The following KCNAB1 variants were observed in gnomAD, a reference collection of about 807,000 sequenced individuals.
KCNAB1 encodes voltage-gated potassium channel subunit beta-1.
In KCNAB1, 35 loss-of-function variants were observed where a neutral mutation model predicts 64.6. The observed-to-expected ratio is 0.54, with a 90% CI of 0.41 to 0.72. The LOEUF (loss-of-function observed/expected upper bound fraction) is 0.72. Ranked by LOEUF, KCNAB1 falls within the 30% of genes least tolerant of loss-of-function variation. The probability of loss-of-function intolerance (pLI) is 0.00; values close to 1 mark genes in which losing one functional copy is unlikely to be tolerated. For missense variants in KCNAB1, 401 were observed against 512.9 expected (o/e 0.78, Z 2.11); for synonymous variants, 177 against 183.8 (o/e 0.96, Z 0.30).
At chr3:156,292,126 T>C in intron 1 of KCNAB1, 2 of 1,613,792 alleles carry the variant, frequency 1.2e-6, no homozygotes, top group East Asian at 2.2e-5. Context: ...GCATGAAATA[T>C]AGGTATGCAC....
At chr3:156,248,474 T>C (rs1299749066) in intron 1 of KCNAB1, among the ~76,000 whole-genome samples, 7 of 148,808 alleles carry the variant, frequency 4.7e-5, no homozygotes, top group African/African-American at 1.5e-4. Flanking sequence ...ATGAGATTTT[T>C]TTTTTTTTTT....
chr3:156,516,503 C>T, intron 11 of KCNAB1, 139 bp downstream of exon 11: 1 of 655,016 alleles, frequency 1.5e-6, no homozygotes, highest in Non-Finnish European at 2.7e-6. Flanking sequence ...TGGCAGGTTC[C>T]CCTAAGCCTT....
At chr3:156,164,429 T>A (rs1716254336) in intron 1 of KCNAB1, among the ~76,000 whole-genome samples, 1 of 152,220 alleles carries the variant, frequency 6.6e-6, no homozygotes, top group Admixed American at 6.5e-5. Flanking sequence ...TACATGCCCC[T>A]GTTTTTAATT....
At chr3:156,434,090 C>T (rs1716420478) in intron 2 of KCNAB1, among the ~76,000 whole-genome samples, 1 of 152,026 alleles carries the variant, frequency 6.6e-6, no homozygotes, top group African/African-American at 2.4e-5. Flanking sequence ...GAGAGGGAGC[C>T]ATGTGGGAGA....
intron 1 of KCNAB1, among the ~76,000 whole-genome samples, chr3:156,308,199 T>G (rs533102020): frequency 6.6e-6 from 1 of 152,320 alleles, no homozygotes; most frequent in African/African-American, 2.4e-5. Flanking sequence ...AGAAGATCAA[T>G]CCAGGCAGAG....
intron 1 of KCNAB1, among the ~76,000 whole-genome samples, chr3:156,302,950 A>G (rs532654900): frequency 6.6e-6 from 1 of 152,356 alleles, no homozygotes; most frequent in Admixed American, 6.5e-5. Context: ...GAAGCAGCGC[A>G]TTCCCAGTGC....
intron 8 of KCNAB1, among the ~76,000 whole-genome samples, chr3:156,483,219 T>C (rs906996359): frequency 6.6e-6 from 1 of 152,150 alleles, no homozygotes; most frequent in African/African-American, 2.4e-5. Flanking sequence ...GGGTCAGTAG[T>C]ATACTTGGAA....
intron 8 of KCNAB1, among the ~76,000 whole-genome samples, chr3:156,506,044 C>A (rs1252169137): frequency 1.3e-5 from 2 of 152,204 alleles, no homozygotes; most frequent in African/African-American, 4.8e-5. Flanking sequence ...AGAGGACAAA[C>A]ATCCAAACCA....
In KCNAB1 at chr3:156,295,861, A is replaced by G. The variant is rs74903688; in HGVS notation, c.276-125755A>G. 8.8e-3 allele frequency among the ~76,000 whole-genome samples: 1,340 copies of G among 152,328 alleles called. 23 individuals are homozygous for G. Among genetic ancestry groups the G allele is most frequent in the African/African-American group, 0.03 (1,233 of 41,590 alleles). ...TATTTATCATTTCTATGTATTGGGAATATTTCAAGTCCTCTCTTCTAGCTA... is the reference window on the plus strand; with the variant it reads ...TATTTATCATTTCTATGTATTGGGAGTATTTCAAGTCCTCTCTTCTAGCTA... On this transcript the variant is annotated intron_variant, in intron 1 of 13. Coordinates refer to ENST00000490337, the MANE Select transcript of KCNAB1 (RefSeq NM_172160.3).
chr3:156,211,743 CAAAGG>C (rs987239686), intron 1 of KCNAB1, among the ~76,000 whole-genome samples: 1 of 152,172 alleles, frequency 6.6e-6, no homozygotes, highest in African/African-American at 2.4e-5. Context: ...GGTGATTACT[CAAAGG>C]AAATGAATGA....
intron 1 of KCNAB1, among the ~76,000 whole-genome samples, chr3:156,403,433 AG>A (rs1212152584): frequency 1.3e-5 from 2 of 152,188 alleles, no homozygotes; most frequent in African/African-American, 4.8e-5. Flanking sequence ...TGGGCAGGTA[AG>A]GGGAAGGGGT....
At chr3:156,195,785 A>G (rs1167147300) in intron 1 of KCNAB1, among the ~76,000 whole-genome samples, 1 of 152,086 alleles carries the variant, frequency 6.6e-6, no homozygotes, top group Non-Finnish European at 1.5e-5. Context: ...GAAACTCTTT[A>G]GTTTAATTAG....
At chr3:156,328,089 C>T (rs1389295888) in intron 1 of KCNAB1, among the ~76,000 whole-genome samples, 1 of 152,120 alleles carries the variant, frequency 6.6e-6, no homozygotes, top group African/African-American at 2.4e-5. Context: ...TACCTCATAA[C>T]ATGAAAATTT....
chr3:156,313,588 A>G (rs1722072259), intron 1 of KCNAB1, among the ~76,000 whole-genome samples: 1 of 152,210 alleles, frequency 6.6e-6, no homozygotes, highest in Admixed American at 6.5e-5. Flanking sequence ...AGAGCCAAGG[A>G]GTGCAACTAT....
At chr3:156,276,565 A>C (rs1442704178) in intron 1 of KCNAB1, among the ~76,000 whole-genome samples, 1 of 152,168 alleles carries the variant, frequency 6.6e-6, no homozygotes, top group African/African-American at 2.4e-5. Context: ...TAGTGTTGTT[A>C]ATAATTATCT....
At chr3:156,536,519 T>G (rs1719066118) in intron 13 of KCNAB1, 139 bp from the exon 14 acceptor site, 1 of 666,498 alleles carries the variant, frequency 1.5e-6, no homozygotes, top group East Asian at 2.6e-5. Flanking sequence ...TGTGATGGTG[T>G]TGGGGGCGGG....
rs1276283127 is a variant in KCNAB1, at chr3:156,509,511, A to T, written c.659-4853A>T. On this transcript the variant is annotated intron_variant, in intron 8 of 13. Transcript: ENST00000490337. ...ATCTGGGATGAGTTTTTAAATTATT[A>T]TCGATGCTGGGGCCTCACCCCCAAG... Among the ~76,000 whole-genome samples the T allele has an allele frequency of 2.0e-5, 3 of 152,170 alleles. No homozygotes were observed. In the East Asian group the frequency reaches 5.8e-4, roughly 29 times the overall value.
chr3:156,291,020 CCT>C, intron 1 of KCNAB1: 1 of 985,820 alleles, frequency 1.0e-6, no homozygotes, highest in Non-Finnish European at 1.2e-6. Flanking sequence ...ATAAGCACCC[CCT>C]CTCTGCCTTC....
At chr3:156,239,787 T>A (rs1053551582) in intron 1 of KCNAB1, among the ~76,000 whole-genome samples, 1 of 152,214 alleles carries the variant, frequency 6.6e-6, no homozygotes, top group Non-Finnish European at 1.5e-5. Context: ...GATGTAAGTT[T>A]CATAAAAGAA....
Sources: gnomAD v4.1 joint callset for allele counts (sites outside exome capture counted in the v4.1 genomes callset) on GRCh38, gnomAD v4.1.1 for gene constraint, MANE v1.5 for transcripts, NCBI Gene and HGNC (gene_info 2026-07-23, HGNC 2026-07-21) for gene names.